KCNJ3: variants seen among roughly 807,000 people sequenced by gnomAD.
The protein encoded by KCNJ3 is potassium inwardly rectifying channel subfamily J member 3.
A neutral mutation model predicts 39.2 loss-of-function variants in KCNJ3; 4 were observed. The observed-to-expected ratio is 0.10, with a 90% confidence interval of 0.05 to 0.23. The LOEUF is 0.23. KCNJ3 is among the 10% of genes least tolerant of loss of function. The probability of loss-of-function intolerance (pLI) is 1.00; values close to 1 mark genes in which losing one functional copy is unlikely to be tolerated. For missense variants in KCNJ3, 276 were observed against 634.9 expected, an observed-to-expected ratio of 0.43 and a Z score of 6.08; for synonymous variants, 230 against 237.4, an observed-to-expected ratio of 0.97 and a Z score of 0.29.
At chr2:154,736,927 G>C (rs1009763216) in intron 2 of KCNJ3, among the ~76,000 whole-genome samples, 2 of 152,194 alleles carry the variant, frequency 1.3e-5, no homozygotes, top group Non-Finnish European at 2.9e-5. Context: ...AGATGTCCTT[G>C]AGTTGAGGAG....
chr2:154,752,214 G>A (rs1685858194), intron 2 of KCNJ3, among the ~76,000 whole-genome samples: 2 of 151,804 alleles, frequency 1.3e-5, no homozygotes, highest in African/African-American at 4.8e-5. Context: ...AACTGAGATT[G>A]TTTTTCTTTA....
chr2:154,770,040 A>G (rs1277163370), intron 2 of KCNJ3, among the ~76,000 whole-genome samples: 1 of 152,204 alleles, frequency 6.6e-6, no homozygotes, highest in African/African-American at 2.4e-5. Context: ...ACTGGTTCTG[A>G]AAAAGTATTT....
chr2:154,773,049 G>A (rs985092), intron 2 of KCNJ3, among the ~76,000 whole-genome samples: 9,392 of 151,924 alleles, frequency 0.062, 359 homozygotes, highest in East Asian at 0.2. Context: ...AAATTGCCCC[G>A]AATAGATTAA....
chr2:154,706,223 C>T lies in KCNJ3; in HGVS notation c.703-3380C>T, dbSNP rs532532899. ...AATTTATACATTTGTATCTAGAAAA[C>T]GATCCTGGTTCTATGTTTTCTCGGG... On this transcript the variant is annotated intron_variant, in intron 1 of 2. Coordinates refer to ENST00000295101, the MANE Select transcript of KCNJ3 (RefSeq NM_002239.4). Among the ~76,000 whole-genome samples, 5 of 151,982 alleles carry T rather than the reference C, an allele frequency of 3.3e-5. No homozygotes were observed. The South Asian group carries it at 1.0e-3, about 32-fold the overall frequency.
chr2:154,768,578 T>C (rs1341612874), intron 2 of KCNJ3, among the ~76,000 whole-genome samples: 1 of 152,228 alleles, frequency 6.6e-6, no homozygotes, highest in Non-Finnish European at 1.5e-5. Flanking sequence ...CATGCTGTTT[T>C]GGTTACTGTA....
chr2:154,782,362 G>C (rs544058483), intron 2 of KCNJ3, among the ~76,000 whole-genome samples: 3 of 152,154 alleles, frequency 2.0e-5, no homozygotes, highest in African/African-American at 7.2e-5. Context: ...ATTTAAGGTA[G>C]TTAGAACAGT....
chr2:154,854,712 TC>T lies in KCNJ3; in HGVS notation c.920-14del. 1 of 1,579,956 alleles carries T rather than the reference TC, an allele frequency of 6.3e-7. No homozygotes were observed. The highest frequency in any genetic ancestry group is 8.6e-7 in the Non-Finnish European group (1 of 1,156,834). On this transcript the variant is annotated splice_polypyrimidine_tract_variant and intron_variant, in intron 2 of 2. Coordinates refer to ENST00000295101, the MANE Select transcript of KCNJ3 (RefSeq NM_002239.4). ...ACTATGCATAATTTATCAAGAATTT[TC>T]TCTTTTCTTGTAGGGATGACTTGTC...
chr2:154,778,214 C>T (rs1442825996), intron 2 of KCNJ3, among the ~76,000 whole-genome samples: 2 of 151,908 alleles, frequency 1.3e-5, no homozygotes, highest in East Asian at 3.9e-4. Context: ...TTTGTAGTTT[C>T]ACTACTGAAA....
At chr2:154,768,518 A>G in intron 2 of KCNJ3, among the ~76,000 whole-genome samples, 1 of 152,080 alleles carries the variant, frequency 6.6e-6, no homozygotes. Flanking sequence ...GTTATTTCTG[A>G]GGGCTCTGTT....
intron 2 of KCNJ3, among the ~76,000 whole-genome samples, chr2:154,779,090 A>G (rs1686388972): frequency 6.6e-6 from 1 of 152,134 alleles, no homozygotes; most frequent in South Asian, 2.1e-4. Context: ...TGAAATAAAA[A>G]TTATCACTAA....
intron 2 of KCNJ3, among the ~76,000 whole-genome samples, chr2:154,850,406 T>C (rs1442480450): frequency 6.6e-6 from 1 of 152,168 alleles, no homozygotes; most frequent in East Asian, 1.9e-4. Context: ...TGATATCTAC[T>C]TTAAATCTTC....
At chr2:154,772,847 A>G (rs1297857795) in intron 2 of KCNJ3, among the ~76,000 whole-genome samples, 2 of 152,040 alleles carry the variant, frequency 1.3e-5, no homozygotes, top group Non-Finnish European at 2.9e-5. Flanking sequence ...TAAAAGTCAC[A>G]TAAAGCTTCA....
chr2:154,823,096 G>A (rs1042235633), intron 2 of KCNJ3, among the ~76,000 whole-genome samples: 1 of 151,854 alleles, frequency 6.6e-6, no homozygotes, highest in Non-Finnish European at 1.5e-5. Context: ...TGACTACTGG[G>A]AACCGAAACA....
chr2:154,839,906 C>T (rs1039607014), intron 2 of KCNJ3, among the ~76,000 whole-genome samples: 2 of 151,886 alleles, frequency 1.3e-5, no homozygotes, highest in Non-Finnish European at 2.9e-5. Flanking sequence ...CTCTGATGGT[C>T]GTTTCTTTTG....
intron 2 of KCNJ3, among the ~76,000 whole-genome samples, chr2:154,816,083 G>C (rs1027679836): frequency 6.6e-6 from 1 of 152,012 alleles, no homozygotes; most frequent in East Asian, 1.9e-4. Flanking sequence ...GCTCTGCCTC[G>C]CATGTAGTAG....
intron 2 of KCNJ3, among the ~76,000 whole-genome samples, chr2:154,778,373 G>C (rs1009619672): frequency 1.2e-4 from 19 of 152,144 alleles, no homozygotes; most frequent in African/African-American, 4.6e-4. Flanking sequence ...TTAAAGGCCA[G>C]TGCAAAACAA....
chr2:154,704,859 T>C (rs1166574347), intron 1 of KCNJ3, among the ~76,000 whole-genome samples: 1 of 152,164 alleles, frequency 6.6e-6, no homozygotes, highest in African/African-American at 2.4e-5. Context: ...CTGCAGCATA[T>C]ATTCAGCATG....
chr2:154,804,458 C>T (rs1349815209), intron 2 of KCNJ3, among the ~76,000 whole-genome samples: 1 of 151,932 alleles, frequency 6.6e-6, no homozygotes, highest in Non-Finnish European at 1.5e-5. Flanking sequence ...TCTTGATTTC[C>T]CTATTGTTTT....
In KCNJ3 at chr2:154,804,194, T is replaced by A. The variant is rs115646972; in HGVS notation, c.920-50533T>A. On this transcript the variant is annotated intron_variant, in intron 2 of 2. Coordinates refer to ENST00000295101, the MANE Select transcript of KCNJ3 (RefSeq NM_002239.4). Reference sequence around the variant, plus strand: ...CTTCAGACAGGAGAAATATAATACATGTAAAATGGCACAACCTGCGATACA... The same window carrying A: ...CTTCAGACAGGAGAAATATAATACAAGTAAAATGGCACAACCTGCGATACA... Among the ~76,000 whole-genome samples the A allele has an allele frequency of 4.3e-3, 650 of 152,166 alleles. 7 individuals are homozygous for A. Among genetic ancestry groups the A allele is most frequent in the African/African-American group, 0.015 (627 of 41,556 alleles).
Sources: allele counts gnomAD v4.1 joint callset (sites outside exome capture counted in the v4.1 genomes callset), GRCh38; gene constraint gnomAD v4.1.1; transcripts MANE v1.5; gene names NCBI Gene and HGNC (gene_info 2026-07-23, HGNC 2026-07-21).